Variants in FHIP2B observed in about 807,000 individuals in gnomAD.
FHIP2B encodes FHF complex subunit HOOK interacting protein 2B.
In FHIP2B, 72 loss-of-function variants were observed where a neutral mutation model predicts 84.0. The ratio of observed to expected loss-of-function variants is 0.86; its 90% CI spans 0.71 to 1.04. The LOEUF (loss-of-function observed/expected upper bound fraction) is 1.04. Among genes scored for constraint, FHIP2B ranks in the 50% least tolerant of loss-of-function variants. The pLI is 0.00. For synonymous variants in FHIP2B, 497 were observed against 418.7 expected, an observed-to-expected ratio of 1.19 and a Z score of -2.28; for missense variants, 972 against 968.9, an observed-to-expected ratio of 1.00 and a Z score of -0.04.
At position 22,102,521 on chromosome 8, in the gene FHIP2B, G is replaced by C. The variant is rs768985962; in HGVS notation, c.1993-7G>C. On this transcript the variant is annotated splice_region_variant and splice_polypyrimidine_tract_variant and intron_variant, in intron 15 of 16. Transcript: ENST00000289921. Reference sequence around the variant, plus strand: ...CCCATCTGAGTCCCCTGTGATTCCCGCTGTAGGTGATCGGGGACTTGATGC... The same window carrying C: ...CCCATCTGAGTCCCCTGTGATTCCCCCTGTAGGTGATCGGGGACTTGATGC... The C allele has an allele frequency of 6.4e-7, 1 of 1,554,598 alleles. No individual in the cohort carries two copies. Among genetic ancestry groups the C allele is most frequent in the South Asian group, 1.2e-5 (1 of 84,280 alleles).
Position 22,102,646 on chromosome 8 carries a change from C to A in FHIP2B, c.2093+18C>A. ...GGGGAGCAGTGAGTACCAAGGGTGC[C>A]AGGTGAAGCCTTGGGGTGGGAGAGT... On this transcript the variant is annotated intron_variant, in intron 16 of 16. Coordinates refer to ENST00000289921, the MANE Select transcript of FHIP2B (RefSeq NM_022749.7). The A allele has an allele frequency of 6.4e-7, 1 of 1,563,556 alleles. No homozygotes were observed. Among genetic ancestry groups the A allele is most frequent in the South Asian group, 1.2e-5 (1 of 85,254 alleles).
chr8:22,093,624 T>C (rs1167310710), intron 1 of FHIP2B, among the ~76,000 whole-genome samples: 1 of 151,696 alleles, frequency 6.6e-6, no homozygotes, highest in African/African-American at 2.4e-5. Flanking sequence ...TAATGTTACC[T>C]ACCCTTCCGG....
At chr8:22,091,557 T>C (rs1825493916) in intron 1 of FHIP2B, among the ~76,000 whole-genome samples, 1 of 152,150 alleles carries the variant, frequency 6.6e-6, no homozygotes, top group African/African-American at 2.4e-5. Flanking sequence ...ACTAATAATA[T>C]CGTTAAAGAG....
Position 22,097,545 on chromosome 8 carries a change from C to T in FHIP2B, c.327C>T (p.Phe109=). The T allele has an allele frequency of 1.9e-6, 3 of 1,609,692 alleles. No homozygotes were observed. The highest frequency in any genetic ancestry group is 2.2e-5 in the South Asian group (2 of 90,030). The part of the protein sequence containing the change: ...EYPPGMRQQV[F]QFFSKVLAQV... ...CCCCAGGCATGCGGCAGCAGGTGTT[C>T]CAGTTCTTCAGCAAGGTTCTGGCGC... The change falls in exon 4 of 17, where the codon TTC becomes TTT. Residue 109 remains phenylalanine (F), a synonymous_variant. Coordinates refer to ENST00000289921, the MANE Select transcript of FHIP2B (RefSeq NM_022749.7).
In FHIP2B at chr8:22,094,815, A is replaced by G. The variant is rs546165330; in HGVS notation, c.124+297A>G. The G allele has an allele frequency of 2.8e-4, 348 of 1,222,532 alleles. 1 individual carries two copies. The African/African-American group carries it at 5.1e-3, about 18-fold the overall frequency. 75.7% of individuals were successfully genotyped at this position (1,222,532 alleles called of 1,614,324 possible). ...GACTCTGCAAGGAAGAGGTGGCTGC[A>G]CTTCCCCCAGCTTCCAGCTCCAGAC... is the stretch of plus-strand genomic sequence containing the variant. On this transcript the variant is annotated intron_variant, in intron 2 of 16. Transcript: ENST00000289921.
intron 11 of FHIP2B, 33 bp downstream of exon 11, chr8:22,100,772 C>G: frequency 6.2e-7 from 1 of 1,609,528 alleles, no homozygotes; most frequent in South Asian, 1.1e-5. Flanking sequence ...GGACTCAGCC[C>G]AGCCCTTAGC....
rs1453740861 is a variant in FHIP2B at position 22,103,259 on chromosome 8, CCAAGCCTGTGACTCAACTCCAGGGG to C, written c.*333_*357del. On this transcript the variant is annotated 3_prime_UTR_variant, in exon 17 of 17. Transcript: ENST00000289921. ...CTGTACTGGCCATTTGTGGCCAGGG[CCAAGCCTGTGACTCAACTCCAGGGG>C]CAAGATGGGGAGTGAGCTGATGGCT... 3.6e-6 allele frequency: 1 copy of C among 277,250 alleles called. No homozygotes were observed. The highest frequency in any genetic ancestry group is 2.2e-5 in the African/African-American group (1 of 45,366). The allele number at this position is 277,250 out of a possible 1,614,324, so 17.2% of individuals were successfully genotyped here.
In FHIP2B at chr8:22,099,769, C is replaced by T. The variant is rs1270667697; in HGVS notation, c.1217C>T (p.Pro406Leu). The T allele has an allele frequency of 2.5e-6, 4 of 1,611,388 alleles. No homozygotes were observed. The highest frequency in any genetic ancestry group is 3.4e-6 in the Non-Finnish European group (4 of 1,179,540). The change falls in exon 10 of 17, where the codon CCT (proline) becomes CTT (leucine). Residue 406 changes from proline (P) to leucine (L), a missense_variant. Coordinates refer to ENST00000289921, the MANE Select transcript of FHIP2B (RefSeq NM_022749.7). ...GCCATGCTGCGCCAGCTTCGCTCCC[C>T]TGCGCTGCTGCGGGAGGCCGTGGCT... ...LTAMLRQLRS[P>L]ALLREAVAFL...
chr8:22,098,340 G>T (rs955748037), intron 6 of FHIP2B, 30 bp downstream of exon 6: 1 of 1,543,314 alleles, frequency 6.5e-7, no homozygotes, highest in African/African-American at 1.4e-5. Flanking sequence ...AGAGGTTGGG[G>T]GTGGGGGAAG....
In FHIP2B at chr8:22,097,980, C is replaced by T. The variant is rs1825873668; in HGVS notation, c.526-88C>T. ...CTTCCCCTCCAGCTCCAGGCCGACGCCCTGCTGGCAGCCCACCCTGCGGTC... is the reference window on the plus strand; with the variant it reads ...CTTCCCCTCCAGCTCCAGGCCGACGTCCTGCTGGCAGCCCACCCTGCGGTC... On this transcript the variant is annotated intron_variant, in intron 5 of 16. Coordinates refer to ENST00000289921, the MANE Select transcript of FHIP2B (RefSeq NM_022749.7). The T allele has an allele frequency of 4.6e-6, 7 of 1,528,436 alleles. No individual in the cohort carries two copies. The South Asian group carries it at 9.0e-5, about 20-fold the overall frequency. The allele number at this position is 1,528,436 out of a possible 1,614,324, so 94.7% of individuals were successfully genotyped here. A position where few individuals can be genotyped will look rare whatever the true frequency, so the allele number is the denominator to read the frequency against.
chr8:22,101,927 G>A, intron 14 of FHIP2B, 76 bp downstream of exon 14: 1 of 1,559,082 alleles, frequency 6.4e-7, no homozygotes, highest in Non-Finnish European at 8.7e-7. Context: ...GTTGGCCACA[G>A]GGTTGCCTCT....
chr8:22,090,543 T>A (rs558321196), intron 1 of FHIP2B, among the ~76,000 whole-genome samples: 2 of 152,294 alleles, frequency 1.3e-5, no homozygotes, highest in South Asian at 4.1e-4. Flanking sequence ...GATAAACCAA[T>A]TCATACCTCT....
intron 5 of FHIP2B, 105 bp downstream of exon 5, chr8:22,097,944 C>A: frequency 6.5e-7 from 1 of 1,549,420 alleles, no homozygotes; most frequent in Non-Finnish European, 8.7e-7. Flanking sequence ...ACCCGGGAGG[C>A]ACGCAGGCAG....
In FHIP2B at chr8:22,098,976, TC is replaced by T; in HGVS notation, c.996del (p.Phe333SerfsTer58). The T allele has an allele frequency of 6.2e-7, 1 of 1,607,726 alleles. No individual in the cohort carries two copies. The highest frequency in any genetic ancestry group is 8.5e-7 in the Non-Finnish European group (1 of 1,176,922). On this transcript the variant is annotated frameshift_variant, in exon 8 of 17. Coordinates refer to ENST00000289921, the MANE Select transcript of FHIP2B (RefSeq NM_022749.7). LOFTEE classifies it high-confidence loss of function. ...RLPSAPSDEA[S>X]FPGKEALAAF... ...ACCCAGTGCCCCGTCTGATGAGGCT[TC>T]CTTCCCTGGCAAGGAGGCCTTGGCT...
chr8:22,101,968 T>C (rs1826144185), intron 14 of FHIP2B, 117 bp downstream of exon 14: 1 of 1,505,246 alleles, frequency 6.6e-7, no homozygotes, highest in Admixed American at 2.0e-5. Context: ...CCCCTGTCCT[T>C]TCCCCAGGTG....
rs372343548 is a variant in FHIP2B at position 22,099,408 on chromosome 8, C to T, written c.1151+48C>T. 2.1e-5 allele frequency: 33 copies of T among 1,580,556 alleles called. No individual in the cohort carries two copies. The African/African-American group carries it at 3.0e-4, about 14-fold the overall frequency. On this transcript the variant is annotated intron_variant, in intron 9 of 16. Transcript: ENST00000289921. ...CATGACTGTGGTCTACAGTAAACCA[C>T]CTACCCCACCCAGCCTCGTCCTGTC...
In FHIP2B at chr8:22,103,275, A is replaced by C; in HGVS notation, c.*344A>C. On this transcript the variant is annotated 3_prime_UTR_variant, in exon 17 of 17. Transcript: ENST00000289921. Reference sequence around the variant, plus strand: ...TGGCCAGGGCCAAGCCTGTGACTCAACTCCAGGGGCAAGATGGGGAGTGAG... The same window carrying C: ...TGGCCAGGGCCAAGCCTGTGACTCACCTCCAGGGGCAAGATGGGGAGTGAG... 4.2e-6 allele frequency: 1 copy of C among 237,082 alleles called. No homozygotes were observed. Among genetic ancestry groups the C allele is most frequent in the Non-Finnish European group, 8.2e-6 (1 of 121,760 alleles). 14.7% of individuals were successfully genotyped at this position (237,082 alleles called of 1,614,324 possible). A position where few individuals can be genotyped will look rare whatever the true frequency, so the allele number is the denominator to read the frequency against.
intron 1 of FHIP2B, among the ~76,000 whole-genome samples, chr8:22,093,708 C>CTTTTTTT (rs59841460): frequency 0.11 from 7,281 of 66,396 alleles, 2,224 homozygotes; most frequent in South Asian, 0.18. Context: ...AAAGCTTTGT[C>CTTTTTTT]TTTTTTTTTT....
At chr8:22,096,189 C>T in intron 2 of FHIP2B, 148 bp from the exon 3 acceptor site, 1 of 723,646 alleles carries the variant, frequency 1.4e-6, no homozygotes, top group Non-Finnish European at 2.2e-6. Flanking sequence ...TCACTGTAAA[C>T]TTCCATTTCC....
Sources: allele counts gnomAD v4.1 joint callset (sites outside exome capture counted in the v4.1 genomes callset), GRCh38; gene constraint gnomAD v4.1.1; transcripts MANE v1.5; gene names NCBI Gene and HGNC (gene_info 2026-07-23, HGNC 2026-07-21).